Variants in KCNQ1 observed in about 807,000 individuals in gnomAD.
KCNQ1 encodes the protein potassium voltage-gated channel subfamily Q member 1.
Under a neutral mutation model 72.4 loss-of-function variants are expected in KCNQ1, and 49 were observed. The observed-to-expected ratio is 0.68, with a 90% CI of 0.54 to 0.86. The LOEUF (loss-of-function observed/expected upper bound fraction) is 0.86. Ranked by LOEUF, KCNQ1 falls within the 40% of genes least tolerant of loss-of-function variation. The probability of loss-of-function intolerance (pLI) is 0.00; values close to 1 mark genes in which losing one functional copy is unlikely to be tolerated. For synonymous variants in KCNQ1, 450 were observed against 412.6 expected (o/e 1.09, Z -1.10); for missense variants, 790 against 945.1 (o/e 0.84, Z 2.15).
In KCNQ1 at chr11:2,652,608, G is replaced by GA; in HGVS notation, c.1394-9349dup. 5.0e-6 allele frequency: 2 copies of GA among 398,588 alleles called. No homozygotes were observed. Among genetic ancestry groups the GA allele is most frequent in the Admixed American group, 4.4e-5 (1 of 22,732 alleles). The allele number at this position is 398,588 out of a possible 1,614,324, so 24.7% of individuals were successfully genotyped here. A position where few individuals can be genotyped will look rare whatever the true frequency, so the allele number is the denominator to read the frequency against. ...CTCTTGCTGCCTGGAACCTTCCCCT[G>GA]AAAATGTGTCTTGGGAGACCTAGAC... On this transcript the variant is annotated intron_variant, in intron 10 of 15. Transcript: ENST00000155840. The surrounding 1 kb of genome is among the most constrained non-coding windows in gnomAD (Gnocchi z 5.9).
intron 15 of KCNQ1, among the ~76,000 whole-genome samples, chr11:2,821,072 G>C (rs530686658): frequency 1.3e-5 from 2 of 152,222 alleles, no homozygotes; most frequent in African/African-American, 2.4e-5. Flanking sequence ...AGCACTCTTC[G>C]GAGGCCAGGT....
chr11:2,462,598 T>G lies in KCNQ1; in HGVS notation c.386+17114T>G, dbSNP rs1846294823. 6.6e-6 allele frequency among the ~76,000 whole-genome samples: 1 copy of G among 152,016 alleles called. No individual in the cohort carries two copies. The highest frequency in any genetic ancestry group is 2.4e-5 in the African/African-American group (1 of 41,380). The stretch of plus-strand genomic sequence containing the variant: ...CGTGCTCCCACACCCCCATGCGCCA[T>G]CCTGCAGGTGCTTTCTGCTGACTTC... On this transcript the variant is annotated intron_variant, in intron 1 of 15. Transcript: ENST00000155840. This position sits in a 1 kb window ranked among gnomAD's most constrained non-coding sequence, Gnocchi z 8.2.
In KCNQ1 at chr11:2,620,211, A is replaced by ATATATATATTTT. The variant is rs1383035176; in HGVS notation, c.1393+31358_1393+31359insATATATATTTTT. 1 of 252,756 alleles carries ATATATATATTTT rather than the reference A, an allele frequency of 4.0e-6. No individual in the cohort carries two copies. Among genetic ancestry groups the ATATATATATTTT allele is most frequent in the African/African-American group, 2.6e-5 (1 of 37,828 alleles). 15.7% of individuals were successfully genotyped at this position (252,756 alleles called of 1,614,324 possible). A position where few individuals can be genotyped will look rare whatever the true frequency, so the allele number is the denominator to read the frequency against. On this transcript the variant is annotated intron_variant, in intron 10 of 15. Coordinates refer to ENST00000155840, the MANE Select transcript of KCNQ1 (RefSeq NM_000218.3). The surrounding 1 kb of genome is among the most constrained non-coding windows in gnomAD (Gnocchi z 4.5). ...TAAGTTCATTCATGTATATATATATATTTTTTTTTTTTATTTTTTTTTTAG... is the reference window on the plus strand; with the variant it reads ...TAAGTTCATTCATGTATATATATATATATATATATTTTTTTTTTTTTTTTATTTTTTTTTTAG...
In KCNQ1 at chr11:2,579,551, G is replaced by A. The variant is rs1848469074; in HGVS notation, c.922-3884G>A. On this transcript the variant is annotated intron_variant, in intron 6 of 15. Coordinates refer to ENST00000155840, the MANE Select transcript of KCNQ1 (RefSeq NM_000218.3). This position sits in a 1 kb window ranked among gnomAD's most constrained non-coding sequence, Gnocchi z 6.0. ...ATTCCTGAGCTGCCTGTGTCTGAAT[G>A]CAGGAAAAACAAACAGGTCTGCAGG... 6.6e-6 allele frequency among the ~76,000 whole-genome samples: 1 copy of A among 152,208 alleles called. No individual in the cohort carries two copies. Among genetic ancestry groups the A allele is most frequent in the Non-Finnish European group, 1.5e-5 (1 of 68,036 alleles).
intron 10 of KCNQ1, among the ~76,000 whole-genome samples, chr11:2,606,578 C>T (rs1448436938): frequency 6.6e-6 from 1 of 152,172 alleles, no homozygotes; most frequent in Non-Finnish European, 1.5e-5. Flanking sequence ...GAGGCCCTCA[C>T]CAGGAGCAGG....
chr11:2,598,159 A>G lies in KCNQ1; in HGVS notation c.1393+9305A>G, dbSNP rs1163012961. On this transcript the variant is annotated intron_variant, in intron 10 of 15. Coordinates refer to ENST00000155840, the MANE Select transcript of KCNQ1 (RefSeq NM_000218.3). This position sits in a 1 kb window ranked among gnomAD's most constrained non-coding sequence, Gnocchi z 6.2. The stretch of plus-strand genomic sequence containing the variant: ...TTCATTTATTTGAAGTTCTTCTACT[A>G]AAGGCATTTTTAAAGGCTATAAATT... Among the ~76,000 whole-genome samples, 2 of 152,134 alleles carry G rather than the reference A, an allele frequency of 1.3e-5. No homozygotes were observed. The highest frequency in any genetic ancestry group is 2.9e-5 in the Non-Finnish European group (2 of 68,004).
rs199473444 is a variant in KCNQ1 at position 2,445,138 on chromosome 11, C to A, written c.40C>A (p.Arg14Ser). 2.7e-6 allele frequency: 3 copies of A among 1,123,338 alleles called. No individual in the cohort carries two copies. In the African/African-American group the frequency reaches 5.0e-5, roughly 19 times the overall value. 69.6% of individuals were successfully genotyped at this position (1,123,338 alleles called of 1,614,324 possible). The change falls in exon 1 of 16, where the codon CGC (arginine) becomes AGC (serine). Residue 14 changes from arginine (R) to serine (S), a missense_variant. Transcript: ENST00000155840. ...ASSPPRAERK[R>S]WGWGRLPGAR... ...CTCCCCGCCCAGGGCCGAGAGGAAGCGCTGGGGTTGGGGCCGCCTGCCAGG... is the reference window on the plus strand; with the variant it reads ...CTCCCCGCCCAGGGCCGAGAGGAAGAGCTGGGGTTGGGGCCGCCTGCCAGG...
At position 2,715,314 on chromosome 11, in the gene KCNQ1, G is replaced by A. The variant is rs1438178722; in HGVS notation, c.1514+53233G>A. Reference sequence around the variant, plus strand: ...CTCAAGGGAACCTGTAAAGACCTGCGGGCTGTGTCATGGAGGGCCCTTACC... The same window carrying A: ...CTCAAGGGAACCTGTAAAGACCTGCAGGCTGTGTCATGGAGGGCCCTTACC... On this transcript the variant is annotated intron_variant, in intron 11 of 15. Coordinates refer to ENST00000155840, the MANE Select transcript of KCNQ1 (RefSeq NM_000218.3). The surrounding 1 kb of genome is among the most constrained non-coding windows in gnomAD (Gnocchi z 4.9). Among the ~76,000 whole-genome samples the A allele has an allele frequency of 6.6e-6, 1 of 152,088 alleles. No individual in the cohort carries two copies. The highest frequency in any genetic ancestry group is 1.5e-5 in the Non-Finnish European group (1 of 67,998).
At chr11:2,832,516 A>T (rs1257943246) in intron 15 of KCNQ1, among the ~76,000 whole-genome samples, 2 of 152,188 alleles carry the variant, frequency 1.3e-5, no homozygotes, top group Admixed American at 1.3e-4. Flanking sequence ...CTACTGCAAG[A>T]TCAGGGAGAT....
At chr11:2,777,611 C>CGGG (rs34601797) in intron 14 of KCNQ1, 2 of 516,696 alleles carry the variant, frequency 3.9e-6, no homozygotes, top group African/African-American at 1.9e-5. Context: ...GCTGGTGTAA[C>CGGG]GGAGCAGCGG....
intron 15 of KCNQ1, among the ~76,000 whole-genome samples, chr11:2,796,142 C>T (rs190085103): frequency 2.3e-4 from 35 of 152,362 alleles, no homozygotes; most frequent in Admixed American, 2.1e-3. Context: ...CACTTCCTCC[C>T]GGCATGCATG....
At chr11:2,793,099 G>C (rs1847063275) in intron 15 of KCNQ1, among the ~76,000 whole-genome samples, 1 of 152,212 alleles carries the variant, frequency 6.6e-6, no homozygotes, top group Non-Finnish European at 1.5e-5. Flanking sequence ...CTGATGCCTG[G>C]GTGACTCATG....
Position 2,537,411 on chromosome 11 carries a change from T to C in KCNQ1, c.477+9393T>C, listed in dbSNP as rs931839567. On this transcript the variant is annotated intron_variant, in intron 2 of 15. Transcript: ENST00000155840. The surrounding 1 kb of genome is among the most constrained non-coding windows in gnomAD (Gnocchi z 5.2). ...TTGCTAGGGGCATTTAAACTTGCAG[T>C]CGAATTAGTAACAATTTTATTTTTT... Among the ~76,000 whole-genome samples the C allele has an allele frequency of 1.3e-5, 2 of 152,098 alleles. No individual in the cohort carries two copies. Among genetic ancestry groups the C allele is most frequent in the African/African-American group, 4.8e-5 (2 of 41,340 alleles).
intron 10 of KCNQ1, chr11:2,618,979 C>T: frequency 2.5e-6 from 1 of 398,056 alleles, no homozygotes; most frequent in Middle Eastern, 6.3e-4. Flanking sequence ...TTGGCCAGGT[C>T]ATTATTTGTG....
intron 10 of KCNQ1, chr11:2,610,892 A>G: frequency 2.5e-6 from 1 of 398,116 alleles, no homozygotes; most frequent in Non-Finnish European, 4.4e-6. Flanking sequence ...CCACCATTTC[A>G]TCCAAGAATA....
Position 2,471,995 on chromosome 11 carries a change from T to G in KCNQ1, c.386+26511T>G, listed in dbSNP as rs1343054900. Among the ~76,000 whole-genome samples, 1 of 151,888 alleles carries G rather than the reference T, an allele frequency of 6.6e-6. No homozygotes were observed. The highest frequency in any genetic ancestry group is 1.9e-4 in the East Asian group (1 of 5,166). On this transcript the variant is annotated intron_variant, in intron 1 of 15. Coordinates refer to ENST00000155840, the MANE Select transcript of KCNQ1 (RefSeq NM_000218.3). The surrounding 1 kb of genome is among the most constrained non-coding windows in gnomAD (Gnocchi z 4.8). ...GTGTGTGTGCACCTATGTGTATAAG[T>G]GTGTGTGCACATGTGTATAGGTGTA...
In KCNQ1 at chr11:2,588,601, G is replaced by A. The variant is rs981657820; in HGVS notation, c.1252-112G>A. 2.3e-6 allele frequency: 3 copies of A among 1,319,572 alleles called. No individual in the cohort carries two copies. The highest frequency in any genetic ancestry group is 3.2e-6 in the Non-Finnish European group (3 of 931,728). 81.7% of individuals were successfully genotyped at this position (1,319,572 alleles called of 1,614,324 possible). A position where few individuals can be genotyped will look rare whatever the true frequency, so the allele number is the denominator to read the frequency against. On this transcript the variant is annotated intron_variant, in intron 9 of 15. Coordinates refer to ENST00000155840, the MANE Select transcript of KCNQ1 (RefSeq NM_000218.3). The surrounding 1 kb of genome is among the most constrained non-coding windows in gnomAD (Gnocchi z 5.6). ...CCCCAGGCCTCAGGTCCCTGTCCGG[G>A]TGTATGTGGCGGGGGCTGGGCTCGG...
Position 2,752,583 on chromosome 11 carries a change from G to T in KCNQ1, c.1515-16261G>T, listed in dbSNP as rs111982222. On this transcript the variant is annotated intron_variant, in intron 11 of 15. Transcript: ENST00000155840. The surrounding 1 kb of genome is among the most constrained non-coding windows in gnomAD (Gnocchi z 5.2). ...GGGTCTGTCTGATTCATGGAAGTCA[G>T]CGGGCTGTGTCCTCACGTGGCAGAA... Among the ~76,000 whole-genome samples the T allele has an allele frequency of 6.3e-3, 966 of 152,288 alleles. 13 individuals carry two copies. Among genetic ancestry groups the T allele is most frequent in the African/African-American group, 0.022 (921 of 41,550 alleles).
rs1849268926 is a variant in KCNQ1, at chr11:2,626,778, T to C, written c.1394-35183T>C. The C allele has an allele frequency of 5.0e-6, 2 of 398,468 alleles. No homozygotes were observed. The highest frequency in any genetic ancestry group is 2.1e-5 in the African/African-American group (1 of 48,616). 24.7% of individuals were successfully genotyped at this position (398,468 alleles called of 1,614,324 possible). ...TCCTGGACTCAGAAGTCCTCCCACCTCAGCCTTCAAAAGTGCTGAGATTAC... is the reference window on the plus strand; with the variant it reads ...TCCTGGACTCAGAAGTCCTCCCACCCCAGCCTTCAAAAGTGCTGAGATTAC... On this transcript the variant is annotated intron_variant, in intron 10 of 15. Coordinates refer to ENST00000155840, the MANE Select transcript of KCNQ1 (RefSeq NM_000218.3). The surrounding 1 kb of genome is among the most constrained non-coding windows in gnomAD (Gnocchi z 4.0).
Sources: allele counts gnomAD v4.1 joint callset (sites outside exome capture counted in the v4.1 genomes callset), GRCh38; gene constraint gnomAD v4.1.1; non-coding constraint Gnocchi (gnomAD v3.1); transcripts MANE v1.5; gene names NCBI Gene and HGNC (gene_info 2026-07-23, HGNC 2026-07-21).